Variants in CR2 observed in about 807,000 individuals in gnomAD.
CR2 encodes complement C3d receptor 2.
A neutral mutation model predicts 123.0 loss-of-function variants in CR2; 96 were observed. The ratio of observed to expected loss-of-function variants is 0.78; its 90% CI spans 0.66 to 0.93. CR2 has a LOEUF of 0.93. Ranked by LOEUF, CR2 falls within the 40% of genes least tolerant of loss-of-function variation. The pLI is 0.00. For missense variants in CR2, 1,258 were observed against 1,361.0 expected (o/e 0.92, Z 1.19); for synonymous variants, 484 against 469.5 (o/e 1.03, Z -0.40).
Position 207,473,571 on chromosome 1 carries a change from C to A in CR2, c.2005C>A (p.His669Asn), listed in dbSNP as rs761098199. Residue 669 changes from histidine to asparagine, a missense_variant, in exon 11 of 20, where the codon CAT becomes AAT. By Grantham distance (68) the His-to-Asn change is moderately conservative (BLOSUM62 1). Coordinates refer to ENST00000367057, the MANE Select transcript of CR2 (RefSeq NM_001006658.3). Reference sequence around the variant, plus strand: ...CTGCCAGTCACCTCCTGGGCTCCACCATGGTCGTCATACAGGTGGAAATAC... The same window carrying A: ...CTGCCAGTCACCTCCTGGGCTCCACAATGGTCGTCATACAGGTGGAAATAC... ...KGCQSPPGLH[H>N]GRHTGGNTVF... The A allele has an allele frequency of 6.2e-7, 1 of 1,613,860 alleles. No individual in the cohort carries two copies. The highest frequency in any genetic ancestry group is 1.1e-5 in the South Asian group (1 of 91,078).
chr1:207,469,188 T>C lies in CR2; in HGVS notation c.773T>C (p.Ile258Thr). The change falls in exon 5 of 20, where the codon ATT becomes ACT. Residue 258 changes from isoleucine (I) to threonine (T), a missense_variant. Transcript: ENST00000367057. ...GGCCCACCTTCTAGTCGGTGTGTAA[T>C]TGCTGGACAGGGAGTTGCTTGGACC... ...LQGPPSSRCV[I>T]AGQGVAWTKM... 6.2e-7 allele frequency: 1 copy of C among 1,613,968 alleles called. No homozygotes were observed. Among genetic ancestry groups the C allele is most frequent in the Non-Finnish European group, 8.5e-7 (1 of 1,179,854 alleles).
At chr1:207,477,167 G>T (rs1658465166) in intron 15 of CR2, among the ~76,000 whole-genome samples, 2 of 152,230 alleles carry the variant, frequency 1.3e-5, no homozygotes, top group African/African-American at 4.8e-5. Flanking sequence ...AAAGGAAAGA[G>T]ATTTAATGGA....
chr1:207,474,563 C>A (rs893219843), intron 13 of CR2, among the ~76,000 whole-genome samples: 2 of 152,130 alleles, frequency 1.3e-5, no homozygotes, highest in African/African-American at 4.8e-5. Flanking sequence ...AGCCCATATT[C>A]CTAGGTCATG....
At chr1:207,471,111 G>A (rs1658264824) in intron 8 of CR2, 24 bp downstream of exon 8, 2 of 1,608,748 alleles carry the variant, frequency 1.2e-6, no homozygotes, top group Non-Finnish European at 1.7e-6. Context: ...GACTTAGTCT[G>A]ACCCAATTCC....
At chr1:207,460,619 T>C (rs1657941906) in intron 1 of CR2, among the ~76,000 whole-genome samples, 1 of 152,196 alleles carries the variant, frequency 6.6e-6, no homozygotes, top group African/African-American at 2.4e-5. Context: ...TAACTTCTTG[T>C]TTTCTGCTTG....
intron 18 of CR2, among the ~76,000 whole-genome samples, chr1:207,482,960 G>T (rs867796381): frequency 1.7e-5 from 2 of 118,486 alleles, no homozygotes; most frequent in Non-Finnish European, 3.8e-5. Flanking sequence ...TGCCATTAAA[G>T]AAAAAAAAAA....
chr1:207,485,642 G>T, intron 19 of CR2, 70 bp downstream of exon 19: 1 of 891,302 alleles, frequency 1.1e-6, no homozygotes, highest in Non-Finnish European at 1.9e-6. Flanking sequence ...ATCAATAAGC[G>T]TAGCATTCAC....
In CR2 at chr1:207,454,465, CG is replaced by C. The variant is rs1046237262; in HGVS notation, c.52del (p.Val18SerfsTer13). The C allele has an allele frequency of 3.2e-6, 5 of 1,571,074 alleles. No individual in the cohort carries two copies. The highest frequency in any genetic ancestry group is 4.3e-6 in the Non-Finnish European group (5 of 1,164,222). On this transcript the variant is annotated frameshift_variant, in exon 1 of 20. Coordinates refer to ENST00000367057, the MANE Select transcript of CR2 (RefSeq NM_001006658.3). LOFTEE classifies it high-confidence loss of function. The surrounding 1 kb of genome is among the most constrained non-coding windows in gnomAD (Gnocchi z 4.3). Reference protein sequence around the residue: ...LLGVFLALVAPGVLGISCGSP... With the variant: ...LLGVFLALVAXGVLGISCGSP... The stretch of plus-strand genomic sequence containing the variant: ...GGGGTTTTCTTGGCTCTCGTCGCAC[CG>C]GGGGTCCTCGGTGAGCTGGGAGGGG...
rs141755970 is a variant in CR2, at chr1:207,474,303, A to G, written c.2303A>G (p.Lys768Arg). ...GATGCTGAAAATGGAATTTGGTTCAAAAAGATTCCACTTTGTAAAGGTAAG... is the reference window on the plus strand; with the variant it reads ...GATGCTGAAAATGGAATTTGGTTCAGAAAGATTCCACTTTGTAAAGGTAAG... ...CQDAENGIWFKKIPLCKVIHC... is the reference protein window; with the variant it reads ...CQDAENGIWFRKIPLCKVIHC... Residue 768 changes from lysine to arginine, a missense_variant, in exon 13 of 20, where the codon AAA (lysine) becomes AGA (arginine). By Grantham distance (26) the Lys-to-Arg change is conservative. Coordinates refer to ENST00000367057, the MANE Select transcript of CR2 (RefSeq NM_001006658.3). The G allele has an allele frequency of 9.3e-6, 15 of 1,612,750 alleles. No homozygotes were observed. In the African/African-American group the frequency reaches 1.2e-4, roughly 13 times the overall value.
In CR2 at chr1:207,468,699, C is replaced by T. The variant is rs1217447251; in HGVS notation, c.618C>T (p.Val206=). Reference sequence around the variant, plus strand: ...TGTCTTCGGGAAAATGGAGTGCTGTCCCCCCCACATGTGAAGGTACCCTAA... The same window carrying T: ...TGTCTTCGGGAAAATGGAGTGCTGTTCCCCCCACATGTGAAGGTACCCTAA... ...NCLSSGKWSA[V]PPTCEEARCK... is the part of the protein sequence containing the mutation. The change falls in exon 3 of 20, where the codon GTC becomes GTT. Residue 206 remains valine, a synonymous_variant. Transcript: ENST00000367057. 2 of 1,613,490 alleles carry T rather than the reference C, an allele frequency of 1.2e-6. No individual in the cohort carries two copies. The highest frequency in any genetic ancestry group is 2.7e-5 in the African/African-American group (2 of 74,836).
intron 1 of CR2, among the ~76,000 whole-genome samples, chr1:207,463,634 C>G (rs565585251): frequency 6.6e-6 from 1 of 152,062 alleles, no homozygotes; most frequent in Non-Finnish European, 1.5e-5. Context: ...GAGATGATCA[C>G]TCTTTATTTT....
At chr1:207,485,352 C>A in intron 18 of CR2, 112 bp from the exon 19 acceptor site, 1 of 712,450 alleles carries the variant, frequency 1.4e-6, no homozygotes, top group East Asian at 2.8e-5. Flanking sequence ...AAAATGAAAT[C>A]ATCCACAAAA....
intron 18 of CR2, among the ~76,000 whole-genome samples, chr1:207,483,228 G>A (rs776405619): frequency 1.3e-5 from 2 of 152,070 alleles, no homozygotes; most frequent in African/African-American, 2.4e-5. Context: ...TTTCTTTCAC[G>A]TGCCAAGTCC....
intron 9 of CR2, 97 bp downstream of exon 9, chr1:207,471,596 T>C: frequency 1.2e-6 from 1 of 850,576 alleles, no homozygotes; most frequent in Non-Finnish European, 2.0e-6. Context: ...AATTAGAGTA[T>C]TAGATTCTGT....
intron 1 of CR2, among the ~76,000 whole-genome samples, chr1:207,460,338 A>G (rs1657935796): frequency 6.6e-6 from 1 of 152,180 alleles, no homozygotes; most frequent in African/African-American, 2.4e-5. Context: ...GCTCCCAATA[A>G]TGATGCCTAT....
intron 8 of CR2, 93 bp downstream of exon 8, chr1:207,471,180 G>A: frequency 3.1e-6 from 4 of 1,273,778 alleles, no homozygotes; most frequent in Non-Finnish European, 4.6e-6. Context: ...CACCCTGCAA[G>A]CTCTATGTAA....
At chr1:207,462,697 AT>A (rs888568584) in intron 1 of CR2, among the ~76,000 whole-genome samples, 22 of 152,292 alleles carry the variant, frequency 1.4e-4, no homozygotes, top group Non-Finnish European at 2.1e-4. Context: ...TTGGAGAGAG[AT>A]TTCTGGAGTC....
chr1:207,481,241 T>C (rs952306061), intron 18 of CR2, among the ~76,000 whole-genome samples: 1 of 152,090 alleles, frequency 6.6e-6, no homozygotes, highest in Non-Finnish European at 1.5e-5. Flanking sequence ...TTTTTTTCCC[T>C]ATATATTCAA....
chr1:207,466,978 G>A (rs1013044149), intron 2 of CR2, 66 bp downstream of exon 2: 4 of 1,507,228 alleles, frequency 2.7e-6, no homozygotes, highest in Non-Finnish European at 3.5e-6. Flanking sequence ...ACCACGTTTT[G>A]TACCCTCCTG....
Sources: gnomAD v4.1 joint callset for allele counts (sites outside exome capture counted in the v4.1 genomes callset) on GRCh38, gnomAD v4.1.1 for gene constraint, Gnocchi (gnomAD v3.1) non-coding constraint, MANE v1.5 for transcripts, NCBI Gene and HGNC (gene_info 2026-07-23, HGNC 2026-07-21) for gene names.